Variants in DOC2B observed in about 807,000 individuals in gnomAD.
DOC2B encodes double C2-like domain-containing protein beta.
In DOC2B, 21 loss-of-function variants were observed where a neutral mutation model predicts 28.9. The ratio of observed to expected loss-of-function variants is 0.73; its 90% CI spans 0.52 to 1.05. The LOEUF is 1.05. Ranked by LOEUF, DOC2B falls within the 50% of genes least tolerant of loss-of-function variation. The pLI, the probability that DOC2B is intolerant of heterozygous loss-of-function variation, is 0.00. For synonymous variants in DOC2B, 194 were observed against 178.1 expected (o/e 1.09, Z -0.71); for missense variants, 384 against 421.1 (o/e 0.91, Z 0.77).
chr17:157,672 G>A (rs1010080806), intron 5 of DOC2B, among the ~76,000 whole-genome samples: 1 of 152,166 alleles, frequency 6.6e-6, no homozygotes, highest in African/African-American at 2.4e-5. Context: ...TCGAATTCCT[G>A]ACCTCAAGTG....
intron 5 of DOC2B, among the ~76,000 whole-genome samples, 190 bp downstream of exon 5, chr17:161,225 C>T (rs938848050): frequency 7.9e-5 from 12 of 152,100 alleles, no homozygotes; most frequent in Admixed American, 5.9e-4. Context: ...AGCACCCTCC[C>T]GTGGCCACTC....
intron 4 of DOC2B, 112 bp downstream of exon 4, chr17:161,969 T>A: frequency 1.3e-6 from 1 of 751,222 alleles, no homozygotes. Flanking sequence ...GTTGCTGGCA[T>A]GAGGTTGAAC....
In DOC2B at chr17:151,614, T is replaced by C. The variant is rs142212295; in HGVS notation, c.924-2422A>G. Among the ~76,000 whole-genome samples, 371 of 152,278 alleles carry C rather than the reference T, an allele frequency of 2.4e-3. 6 individuals carry two copies. Among genetic ancestry groups the C allele is most frequent in the African/African-American group, 8.1e-3 (335 of 41,568 alleles). ...GCCACCCGGAGACAGCGGATTTCCT[T>C]AGTTACTTACTATGCTCCTTGGCCA... On this transcript the variant is annotated intron_variant, in intron 6 of 8. Transcript: ENST00000613549.
Position 143,308 on chromosome 17 carries a change from A to T in DOC2B, c.*4133T>A, listed in dbSNP as rs1300085123. On this transcript the variant is annotated 3_prime_UTR_variant, in exon 9 of 9. Transcript: ENST00000613549. ...CAGTTGCCTTTTCCTCCGTCTTTCC[A>T]CCCTCCCCTCCTACCCTTCCAAATC... is the stretch of plus-strand genomic sequence containing the variant. 1 of 138,096 alleles carries T rather than the reference A, an allele frequency of 7.2e-6. No homozygotes were observed. Among genetic ancestry groups the T allele is most frequent in the Non-Finnish European group, 1.6e-5 (1 of 64,152 alleles). The allele number at this position is 138,096 out of a possible 1,614,324, so 8.6% of individuals were successfully genotyped here.
chr17:166,733 C>G (rs899973984), intron 2 of DOC2B, among the ~76,000 whole-genome samples: 43 of 145,926 alleles, frequency 2.9e-4, no homozygotes, highest in Non-Finnish European at 5.6e-4. Context: ...CACGAGATCT[C>G]ATGGTCTGAC....
At chr17:157,106 C>G (rs1387171391) in intron 5 of DOC2B, among the ~76,000 whole-genome samples, 2 of 152,224 alleles carry the variant, frequency 1.3e-5, no homozygotes, top group Non-Finnish European at 2.9e-5. Flanking sequence ...CGCTAAGCGG[C>G]CCTTCACGGG....
At chr17:164,619 A>G (rs2040241772) in intron 2 of DOC2B, among the ~76,000 whole-genome samples, 1 of 152,104 alleles carries the variant, frequency 6.6e-6, no homozygotes, top group Admixed American at 6.5e-5. Context: ...ACCCCGGGAC[A>G]CAGTCTGAGA....
chr17:155,879 A>T, intron 6 of DOC2B: 1 of 305,894 alleles, frequency 3.3e-6, no homozygotes, highest in Non-Finnish European at 6.0e-6. Context: ...CCTCCTGGCT[A>T]CCCCCGGCAC....
intron 1 of DOC2B, among the ~76,000 whole-genome samples, chr17:173,611 C>T (rs762283235): frequency 5.9e-5 from 9 of 152,252 alleles, no homozygotes; most frequent in East Asian, 1.9e-4. Flanking sequence ...AATAATTTGC[C>T]GCAGTAGAGT....
At chr17:178,381 G>T (rs984311792) in intron 1 of DOC2B, among the ~76,000 whole-genome samples, 1 of 152,268 alleles carries the variant, frequency 6.6e-6, no homozygotes, top group African/African-American at 2.4e-5. Flanking sequence ...GCCACTCTGA[G>T]TTGGTTATCT....
chr17:155,041 A>AT (rs1253348237), intron 6 of DOC2B, among the ~76,000 whole-genome samples: 1 of 151,986 alleles, frequency 6.6e-6, no homozygotes, highest in Non-Finnish European at 1.5e-5. Context: ...ATTTATTACT[A>AT]TTTTTAACTG....
chr17:150,447 C>T (rs926024282), intron 6 of DOC2B, among the ~76,000 whole-genome samples: 2 of 152,164 alleles, frequency 1.3e-5, no homozygotes, highest in African/African-American at 2.4e-5. Context: ...CCCAAAGACA[C>T]GCCCATGTCC....
intron 1 of DOC2B, among the ~76,000 whole-genome samples, chr17:178,668 T>G (rs2040396754): frequency 1.3e-5 from 2 of 152,200 alleles, no homozygotes; most frequent in African/African-American, 4.8e-5. Flanking sequence ...TATGTGCTTG[T>G]GCTTTGACAT....
intron 1 of DOC2B, among the ~76,000 whole-genome samples, chr17:176,060 T>C (rs944009922): frequency 6.6e-6 from 1 of 152,164 alleles, no homozygotes; most frequent in African/African-American, 2.4e-5. Flanking sequence ...CCCAAACTCT[T>C]CATTTCCCTT....
chr17:156,202 C>T lies in DOC2B; in HGVS notation c.923+18G>A, dbSNP rs901920318. ...GAGGTGAAGACGTGGCAGGTGGTCA[C>T]GCGCACGGCACACTCACGTTTTCAC... On this transcript the variant is annotated intron_variant, in intron 6 of 8. Coordinates refer to ENST00000613549, the MANE Select transcript of DOC2B (RefSeq NM_003585.5). 2.1e-5 allele frequency: 32 copies of T among 1,538,242 alleles called. No homozygotes were observed. Among genetic ancestry groups the T allele is most frequent in the Non-Finnish European group, 2.6e-5 (30 of 1,139,146 alleles).
Position 164,166 on chromosome 17 carries a change from G to A in DOC2B, c.492C>T (p.Pro164=). The A allele has an allele frequency of 6.4e-7, 1 of 1,554,228 alleles. No individual in the cohort carries two copies. The highest frequency in any genetic ancestry group is 1.9e-5 in the Admixed American group (1 of 51,338). The part of the protein sequence containing the change: ...KPMDHNGLAD[P]YVKLHLLPGA... The stretch of plus-strand genomic sequence containing the variant: ...CTGGCAGCAGGTGCAGCTTGACGTA[G>A]GGGTCTGCCAGCCCATTGTGGTCCA... Residue 164 remains proline (P), a synonymous_variant, in exon 3 of 9, where the codon CCC becomes CCT. Transcript: ENST00000613549.
At chr17:164,796 T>C (rs1191353206) in intron 2 of DOC2B, among the ~76,000 whole-genome samples, 1 of 152,198 alleles carries the variant, frequency 6.6e-6, no homozygotes, top group Non-Finnish European at 1.5e-5. Context: ...CACAGAAGCA[T>C]GGACAGAGAG....
chr17:157,753 G>A (rs576483010), intron 5 of DOC2B, among the ~76,000 whole-genome samples: 5 of 152,264 alleles, frequency 3.3e-5, no homozygotes, highest in South Asian at 2.1e-4. Flanking sequence ...TAATACCTGC[G>A]TCATCTTTAA....
At chr17:157,185 G>A (rs1451650039) in intron 5 of DOC2B, among the ~76,000 whole-genome samples, 2 of 152,194 alleles carry the variant, frequency 1.3e-5, no homozygotes, top group Non-Finnish European at 2.9e-5. Context: ...CTCACAGCCC[G>A]CCCGGACTTT....
Sources: gnomAD v4.1 joint callset for allele counts (sites outside exome capture counted in the v4.1 genomes callset) on GRCh38, gnomAD v4.1.1 for gene constraint, MANE v1.5 for transcripts, NCBI Gene and HGNC (gene_info 2026-07-23, HGNC 2026-07-21) for gene names.